MYO16: variants seen among roughly 807,000 people sequenced by gnomAD.
MYO16 encodes the protein myosin XVI.
Under a neutral mutation model 205.3 loss-of-function variants are expected in MYO16, and 94 were observed. That is an observed-to-expected ratio of 0.46 (90% confidence interval 0.39 to 0.54). The LOEUF (loss-of-function observed/expected upper bound fraction) is 0.54, where lower values mean the gene tolerates loss of function less well. Among genes scored for constraint, MYO16 ranks in the 20% least tolerant of loss-of-function variants. The pLI, the probability that MYO16 is intolerant of heterozygous loss-of-function variation, is 0.00. For synonymous variants in MYO16, 988 were observed against 954.0 expected, an observed-to-expected ratio of 1.04 and a Z score of -0.66; for missense variants, 2,315 against 2,387.5, an observed-to-expected ratio of 0.97 and a Z score of 0.63.
intron 22 of MYO16, among the ~76,000 whole-genome samples, chr13:109,019,057 C>T (rs1290271532): frequency 1.3e-5 from 2 of 151,832 alleles, no homozygotes; most frequent in Admixed American, 1.3e-4. Flanking sequence ...CAACCTCCAC[C>T]TCTTGGGGTC....
At chr13:108,701,165 AAAC>A (rs1594220995) in intron 2 of MYO16, among the ~76,000 whole-genome samples, 1 of 152,188 alleles carries the variant, frequency 6.6e-6, no homozygotes, top group African/African-American at 2.4e-5. Flanking sequence ...ACAAACAACC[AAAC>A]AACAATTACA....
the MYO16 span, among the ~76,000 whole-genome samples, chr13:108,523,666 G>A: frequency 6.6e-6 from 1 of 152,134 alleles, no homozygotes; most frequent in Non-Finnish European, 1.5e-5. Context: ...TCTCAGCTCT[G>A]GAAGACTTTA....
In MYO16 at chr13:108,806,726, C is replaced by T. The variant is rs1254725981; in HGVS notation, c.789C>T (p.Ile263=). The change falls in exon 7 of 35, where the codon ATC becomes ATT. Residue 263 remains isoleucine, a synonymous_variant. Coordinates refer to ENST00000457511, the MANE Select transcript of MYO16 (RefSeq NM_001198950.3). The part of the protein sequence containing the change: ...ASGYKEVVSL[I]LEHGGDLNIV... ...GCTACAAGGAGGTGGTGTCTCTTAT[C>T]CTGGAACATGGTGGAGACCTCAACA... 1.2e-6 allele frequency: 2 copies of T among 1,613,102 alleles called. No individual in the cohort carries two copies. Among genetic ancestry groups the T allele is most frequent in the South Asian group, 2.2e-5 (2 of 91,038 alleles).
rs190327476 is a variant in MYO16 at position 109,057,477 on chromosome 13, A to G, written c.3335+1882A>G. On this transcript the variant is annotated intron_variant, in intron 27 of 34. Transcript: ENST00000457511. ...CAAAGTTGGGCTTACACAGAAATAA[A>G]TCAAAGCTGGATATAATACTTCTGG... Among the ~76,000 whole-genome samples, 46 of 152,276 alleles carry G rather than the reference A, an allele frequency of 3.0e-4. No individual in the cohort carries two copies. In the East Asian group the frequency reaches 8.5e-3, roughly 28 times the overall value.
At position 108,862,325 on chromosome 13, in the gene MYO16, T is replaced by C. The variant is rs117185508; in HGVS notation, c.1360-3852T>C. Among the ~76,000 whole-genome samples, 1,060 of 152,304 alleles carry C rather than the reference T, an allele frequency of 7.0e-3. 6 individuals are homozygous for C. The highest frequency in any genetic ancestry group is 0.011 in the Non-Finnish European group (722 of 68,012). ...ATCATGATTTTGACTTGCAGGATTTTGGACTTTAGGTATTTCACTCTCTTG... is the reference window on the plus strand; with the variant it reads ...ATCATGATTTTGACTTGCAGGATTTCGGACTTTAGGTATTTCACTCTCTTG... On this transcript the variant is annotated intron_variant, in intron 11 of 34. Coordinates refer to ENST00000457511, the MANE Select transcript of MYO16 (RefSeq NM_001198950.3).
At position 109,162,341 on chromosome 13, in the gene MYO16, A is replaced by G. The variant is rs1878428425; in HGVS notation, c.5165-2560A>G. ...CTGTGCTCATTCAAAGCCTTGGGGAAGCCCTCACTGCGCTGAGAATAAAAC... is the reference window on the plus strand; with the variant it reads ...CTGTGCTCATTCAAAGCCTTGGGGAGGCCCTCACTGCGCTGAGAATAAAAC... On this transcript the variant is annotated intron_variant, in intron 32 of 34. Transcript: ENST00000457511. The surrounding 1 kb of genome is among the most constrained non-coding windows in gnomAD (Gnocchi z 4.6). Among the ~76,000 whole-genome samples the G allele has an allele frequency of 6.6e-6, 1 of 152,182 alleles. No homozygotes were observed. The highest frequency in any genetic ancestry group is 1.5e-5 in the Non-Finnish European group (1 of 68,036).
chr13:109,031,686 A>G, intron 23 of MYO16, among the ~76,000 whole-genome samples: 1 of 152,198 alleles, frequency 6.6e-6, no homozygotes, highest in East Asian at 1.9e-4. Context: ...CAGAAGATGT[A>G]ATTGAGATTC....
intron 20 of MYO16, among the ~76,000 whole-genome samples, chr13:108,972,581 G>A (rs1884092558): frequency 6.7e-6 from 1 of 149,918 alleles, no homozygotes; most frequent in South Asian, 2.1e-4. Flanking sequence ...TTTTGTTCTT[G>A]GGAAATAGAT....
At chr13:109,193,492 A>G (rs1221912052) in intron 34 of MYO16, among the ~76,000 whole-genome samples, 1 of 152,210 alleles carries the variant, frequency 6.6e-6, no homozygotes, top group Non-Finnish European at 1.5e-5. Context: ...CCAGCTTCTT[A>G]AAATTATTTT....
the MYO16 span, among the ~76,000 whole-genome samples, chr13:108,547,245 C>G: frequency 2.7e-5 from 4 of 148,192 alleles, no homozygotes; most frequent in Non-Finnish European, 5.9e-5. Context: ...GCACTCCAGC[C>G]TGGCCAACAG....
intron 9 of MYO16, among the ~76,000 whole-genome samples, chr13:108,835,786 G>T (rs1314287588): frequency 1.3e-5 from 2 of 152,184 alleles, no homozygotes; most frequent in Admixed American, 1.3e-4. Context: ...ATTTTGCCAC[G>T]CCCTAAAGAA....
chr13:109,077,658 A>T (rs1888152866), intron 27 of MYO16, among the ~76,000 whole-genome samples: 1 of 152,204 alleles, frequency 6.6e-6, no homozygotes, highest in Non-Finnish European at 1.5e-5. Flanking sequence ...CCAAGAAGAA[A>T]GCTGCTGTCC....
At chr13:108,938,169 T>C (rs1882574917) in intron 16 of MYO16, among the ~76,000 whole-genome samples, 1 of 152,218 alleles carries the variant, frequency 6.6e-6, no homozygotes, top group African/African-American at 2.4e-5. Flanking sequence ...GGTACAGTAT[T>C]TTGGCTTTGC....
At chr13:109,120,331 T>C (rs755191968) in intron 28 of MYO16, 39 bp from the exon 29 acceptor site, 13 of 1,403,526 alleles carry the variant, frequency 9.3e-6, no homozygotes, top group Non-Finnish European at 1.3e-5. Flanking sequence ...TTTTGGTATC[T>C]TCATGCTGTT....
chr13:108,726,494 G>T (rs1594243529), intron 3 of MYO16, among the ~76,000 whole-genome samples: 1 of 151,778 alleles, frequency 6.6e-6, no homozygotes. Context: ...GGGAAGTGGA[G>T]GTTGCAGTGA....
At chr13:108,985,549 A>G (rs548267573) in intron 20 of MYO16, among the ~76,000 whole-genome samples, 3 of 152,350 alleles carry the variant, frequency 2.0e-5, no homozygotes, top group Middle Eastern at 3.4e-3. Context: ...CAGTGAAAAC[A>G]CTAGTGGGAA....
intron 34 of MYO16, among the ~76,000 whole-genome samples, chr13:109,199,066 G>C (rs1880280995): frequency 6.6e-6 from 1 of 151,576 alleles, no homozygotes; most frequent in Admixed American, 6.6e-5. Context: ...CTTCTCCCCT[G>C]TTCTAACTGG....
intron 32 of MYO16, among the ~76,000 whole-genome samples, chr13:109,157,228 T>A (rs537842330): frequency 8.2e-6 from 1 of 122,292 alleles, no homozygotes. Context: ...CTTTCTTTGC[T>A]AGATTAGTAT....
intron 6 of MYO16, among the ~76,000 whole-genome samples, chr13:108,802,684 T>C (rs1887002207): frequency 6.6e-6 from 1 of 152,198 alleles, no homozygotes; most frequent in African/African-American, 2.4e-5. Context: ...CTAACTTACA[T>C]TTCTACCAGT....
Sources: allele counts gnomAD v4.1 joint callset (sites outside exome capture counted in the v4.1 genomes callset), GRCh38; gene constraint gnomAD v4.1.1; non-coding constraint Gnocchi (gnomAD v3.1); transcripts MANE v1.5; gene names NCBI Gene and HGNC (gene_info 2026-07-23, HGNC 2026-07-21).